The following RTN4 variants were observed in gnomAD, a reference collection of about 807,000 sequenced individuals.
RTN4 encodes the protein reticulon-4.
RTN4 carries 32 observed loss-of-function variants against 90.4 expected under a neutral mutation model. That is an observed-to-expected ratio of 0.35 (90% CI 0.27 to 0.48). RTN4 has a LOEUF of 0.48. Among genes scored for constraint, RTN4 ranks in the 20% least tolerant of loss-of-function variants. The pLI is 0.99. For missense variants in RTN4, 1,706 were observed against 1,430.2 expected (o/e 1.19, Z -3.11); for synonymous variants, 629 against 552.5 (o/e 1.14, Z -1.94).
At chr2:55,056,922 A>C (rs1029972441) in intron 2 of RTN4, among the ~76,000 whole-genome samples, 2 of 152,242 alleles carry the variant, frequency 1.3e-5, no homozygotes, top group Admixed American at 6.5e-5. Context: ...GCAATAAGAT[A>C]TAATTCCTAG....
intron 1 of RTN4, among the ~76,000 whole-genome samples, chr2:55,105,218 G>A (rs2968818): frequency 8.4e-6 from 1 of 118,392 alleles, no homozygotes; most frequent in Non-Finnish European, 1.8e-5. Context: ...CCCTTTTTTT[G>A]CTATTGAAGT....
the RTN4 span, among the ~76,000 whole-genome samples, chr2:55,119,418 G>C: frequency 6.6e-6 from 1 of 152,180 alleles, no homozygotes; most frequent in Non-Finnish European, 1.5e-5. Context: ...CACCTGAAAA[G>C]CTTTGAACAA....
rs1679737683 is a variant in RTN4, at chr2:54,999,994, T to A, written c.3014-12296A>T. Among the ~76,000 whole-genome samples, 5 of 152,156 alleles carry A rather than the reference T, an allele frequency of 3.3e-5. No individual in the cohort carries two copies. In the South Asian group the frequency reaches 1.0e-3, roughly 32 times the overall value. ...TCTGAGAAGATAATGTAATCTCTGT[T>A]TCCCTGTGTGTAAAATTAGAAAAAT... On this transcript the variant is annotated intron_variant, in intron 3 of 8. Transcript: ENST00000337526.
At chr2:55,133,465 C>T in the RTN4 span, among the ~76,000 whole-genome samples, 1 of 152,080 alleles carries the variant, frequency 6.6e-6, no homozygotes, top group African/African-American at 2.4e-5. Flanking sequence ...CCCAATAATA[C>T]GGGAGGACTG....
chr2:54,977,724 G>A (rs1677753747), intron 5 of RTN4, among the ~76,000 whole-genome samples: 1 of 152,108 alleles, frequency 6.6e-6, no homozygotes, highest in Non-Finnish European at 1.5e-5. Flanking sequence ...TTAAAACAGT[G>A]ATTTTTGCCA....
At chr2:55,080,930 G>C (rs763958743) in intron 1 of RTN4, among the ~76,000 whole-genome samples, 2 of 151,990 alleles carry the variant, frequency 1.3e-5, no homozygotes, top group Non-Finnish European at 2.9e-5. Context: ...AAACCTTTTG[G>C]ACTTAAAAAG....
rs71769973 is a variant in RTN4, at chr2:54,985,153, CTTTTTTTTTTTTTTTTT to C, written c.3221+2321_3221+2337del. Among the ~76,000 whole-genome samples, 6 of 57,864 alleles carry C rather than the reference CTTTTTTTTTTTTTTTTT, an allele frequency of 1.0e-4. No individual in the cohort carries two copies. The Admixed American group carries it at 1.5e-3, about 14-fold the overall frequency. The allele number at this position is 57,864 out of a possible 152,430, so 38.0% of individuals were successfully genotyped here. A position where few individuals can be genotyped will look rare whatever the true frequency, so the allele number is the denominator to read the frequency against. On this transcript the variant is annotated intron_variant, in intron 4 of 8. Coordinates refer to ENST00000337526, the MANE Select transcript of RTN4 (RefSeq NM_020532.5). ...TGGCTTGATAATAATATGACTCGGC[CTTTTTTTTTTTTTTTTT>C]TTTTTTTTTGAAAGAGTCTCGTTCT...
At chr2:55,080,924 C>A (rs1390977477) in intron 1 of RTN4, among the ~76,000 whole-genome samples, 1 of 152,084 alleles carries the variant, frequency 6.6e-6, no homozygotes, top group Non-Finnish European at 1.5e-5. Flanking sequence ...TTTTGAAAAC[C>A]TTTTGGACTT....
intron 1 of RTN4, among the ~76,000 whole-genome samples, chr2:55,099,938 G>C (rs928734096): frequency 3.3e-5 from 5 of 152,040 alleles, no homozygotes; most frequent in African/African-American, 4.8e-5. Context: ...ATTGTTGCCT[G>C]CTTACACTGT....
At chr2:54,998,167 T>C (rs72795431) in intron 3 of RTN4, among the ~76,000 whole-genome samples, 38,969 of 148,318 alleles carry the variant, frequency 0.26, 5,730 homozygotes, top group Non-Finnish European at 0.34. Flanking sequence ...AGAAAGTAGA[T>C]AAGTGATTGT....
chr2:54,987,634 G>T lies in RTN4; in HGVS notation c.3078C>A (p.Phe1026Leu). The T allele has an allele frequency of 6.2e-7, 1 of 1,614,204 alleles. No individual in the cohort carries two copies. The highest frequency in any genetic ancestry group is 1.3e-5 in the African/African-American group (1 of 75,056). ...TGAATACTGTCAATGAAAGCAGCAGGAATAGGCTGGCACCAAACACCACTC... is the reference window on the plus strand; with the variant it reads ...TGAATACTGTCAATGAAAGCAGCAGTAATAGGCTGGCACCAAACACCACTC... ...KTGVVFGASL[F>L]LLLSLTVFSI... Residue 1026 changes from phenylalanine (F) to leucine (L), a missense_variant, in exon 4 of 9, where the codon TTC (phenylalanine) becomes TTA (leucine). By Grantham distance (22) the Phe-to-Leu change is conservative (BLOSUM62 0). Transcript: ENST00000337526.
At chr2:55,013,631 G>A (rs1281543547) in intron 3 of RTN4, among the ~76,000 whole-genome samples, 1 of 125,660 alleles carries the variant, frequency 8.0e-6, no homozygotes, top group Non-Finnish European at 1.7e-5. Flanking sequence ...GGGTGTAGGG[G>A]GGGTGGTATC....
intron 1 of RTN4, among the ~76,000 whole-genome samples, chr2:55,108,103 T>C (rs1667975861): frequency 1.3e-5 from 2 of 151,964 alleles, no homozygotes; most frequent in Admixed American, 6.6e-5. Flanking sequence ...TTACAGGCGA[T>C]GCCACAATTC....
intron 3 of RTN4, among the ~76,000 whole-genome samples, chr2:54,992,931 G>A (rs1434939807): frequency 6.6e-6 from 1 of 151,740 alleles, no homozygotes; most frequent in South Asian, 2.1e-4. Flanking sequence ...AAAATTAGCC[G>A]GGCTTGGTGG....
chr2:54,984,592 C>T (rs896160809), intron 4 of RTN4, among the ~76,000 whole-genome samples: 4 of 152,196 alleles, frequency 2.6e-5, no homozygotes, highest in Admixed American at 2.0e-4. Flanking sequence ...CCATCAATGA[C>T]ATCCTGTAGA....
At chr2:55,102,893 C>T (rs1573518639) in intron 1 of RTN4, among the ~76,000 whole-genome samples, 1 of 151,588 alleles carries the variant, frequency 6.6e-6, no homozygotes. Flanking sequence ...CTGAGGCGGG[C>T]GGATCACCTG....
In RTN4 at chr2:54,972,818, C is replaced by A. The variant is rs902612890; in HGVS notation, c.*338G>T. 4 of 196,198 alleles carry A rather than the reference C, an allele frequency of 2.0e-5. No homozygotes were observed. Among genetic ancestry groups the A allele is most frequent in the East Asian group, 1.1e-4 (1 of 9,168 alleles). 12.2% of individuals were successfully genotyped at this position (196,198 alleles called of 1,614,324 possible). Reference sequence around the variant, plus strand: ...GGCTTTTTTTTTTTTTTTTCTAGCTCCACCATCTCTGCAACTTGCCAAGAT... The same window carrying A: ...GGCTTTTTTTTTTTTTTTTCTAGCTACACCATCTCTGCAACTTGCCAAGAT... On this transcript the variant is annotated 3_prime_UTR_variant, in exon 9 of 9. Coordinates refer to ENST00000337526, the MANE Select transcript of RTN4 (RefSeq NM_020532.5).
chr2:55,031,395 G>T (rs933155793), intron 1 of RTN4, among the ~76,000 whole-genome samples: 2 of 152,178 alleles, frequency 1.3e-5, no homozygotes, highest in African/African-American at 4.8e-5. Flanking sequence ...TCTGGAATTT[G>T]TGAGACAGGG....
chr2:55,128,104 C>G, the RTN4 span, among the ~76,000 whole-genome samples: 1 of 151,974 alleles, frequency 6.6e-6, no homozygotes, highest in South Asian at 2.1e-4. Flanking sequence ...ACTGGGCCTC[C>G]CAAAGTGCTG....
Sources: allele counts gnomAD v4.1 joint callset (sites outside exome capture counted in the v4.1 genomes callset), GRCh38; gene constraint gnomAD v4.1.1; transcripts MANE v1.5; gene names NCBI Gene and HGNC (gene_info 2026-07-23, HGNC 2026-07-21).